AGO4: variants seen among roughly 807,000 people sequenced by gnomAD.
The protein encoded by AGO4 is argonaute RISC component 4.
AGO4 carries 33 observed loss-of-function variants against 104.7 expected under a neutral mutation model. The ratio of observed to expected loss-of-function variants is 0.32; its 90% CI spans 0.24 to 0.42. AGO4 has a LOEUF of 0.42. Among genes scored for constraint, AGO4 ranks in the 10% least tolerant of loss-of-function variants. The pLI is 1.00. For synonymous variants in AGO4, 331 were observed against 364.7 expected (o/e 0.91, Z 1.05); for missense variants, 711 against 1,083.4 (o/e 0.66, Z 4.83).
At chr1:35,816,061 G>T (rs775123434) in intron 1 of AGO4, among the ~76,000 whole-genome samples, 16 of 152,252 alleles carry the variant, frequency 1.1e-4, no homozygotes, top group Middle Eastern at 3.4e-3. Context: ...AAACGAGAAG[G>T]TCTAGCTTTA....
chr1:35,818,488 G>A (rs981711759), intron 2 of AGO4, among the ~76,000 whole-genome samples: 7 of 152,014 alleles, frequency 4.6e-5, no homozygotes, highest in African/African-American at 1.7e-4. Flanking sequence ...GCTGGGCATA[G>A]TGGCACGTGC....
rs1329528499 is a variant in AGO4, at chr1:35,841,809, C to G, written c.2175+59C>G. 2 of 857,256 alleles carry G rather than the reference C, an allele frequency of 2.3e-6. No homozygotes were observed. Among genetic ancestry groups the G allele is most frequent in the Admixed American group, 3.5e-5 (1 of 28,512 alleles). The allele number at this position is 857,256 out of a possible 1,614,324, so 53.1% of individuals were successfully genotyped here. ...GGCTCTGGCAAGAGATGTATATATG[C>G]ACATATATATATATATATATATATA... is the stretch of plus-strand genomic sequence containing the variant. On this transcript the variant is annotated intron_variant, in intron 15 of 17. Coordinates refer to ENST00000373210, the MANE Select transcript of AGO4 (RefSeq NM_017629.4). This position sits in a 1 kb window ranked among gnomAD's most constrained non-coding sequence, Gnocchi z 4.7.
intron 16 of AGO4, among the ~76,000 whole-genome samples, 179 bp from the exon 17 acceptor site, chr1:35,850,675 G>C (rs1446770088): frequency 6.6e-6 from 1 of 151,238 alleles, no homozygotes; most frequent in South Asian, 2.1e-4. Flanking sequence ...CAGCTACTTG[G>C]GAGGCCGAGG....
intron 17 of AGO4, 81 bp from the exon 18 acceptor site, chr1:35,853,416 T>C: frequency 7.7e-7 from 1 of 1,294,850 alleles, no homozygotes; most frequent in Non-Finnish European, 1.1e-6. Context: ...TACACCTGTT[T>C]TTTGTTTTTT....
At chr1:35,836,081 A>G (rs1468860849) in intron 13 of AGO4, 88 bp downstream of exon 13, 12 of 1,396,198 alleles carry the variant, frequency 8.6e-6, no homozygotes, top group Non-Finnish European at 1.2e-5. Flanking sequence ...ATATGCATCT[A>G]GATTACCTTT....
rs1643803830 is a variant in AGO4 at position 35,818,666 on chromosome 1, A to AAAGGAAGAAAGGAAGGAAGGAAGG, written c.185+1626_185+1627insAAAGGAAGGAAGGAAGGAAGGAAG. Among the ~76,000 whole-genome samples the AAAGGAAGAAAGGAAGGAAGGAAGG allele has an allele frequency of 1.6e-4, 13 of 79,782 alleles. 1 individual carries two copies. Among genetic ancestry groups the AAAGGAAGAAAGGAAGGAAGGAAGG allele is most frequent in the African/African-American group, 2.0e-4 (4 of 19,750 alleles). The allele number at this position is 79,782 out of a possible 152,430, so 52.3% of individuals were successfully genotyped here. ...GAAAGAAAGAAAGAAAGAAAGGAAG[A>AAAGGAAGAAAGGAAGGAAGGAAGG]AAGGAAGGAAGGAAGGAAGGAAGGA... On this transcript the variant is annotated intron_variant, in intron 2 of 17. Coordinates refer to ENST00000373210, the MANE Select transcript of AGO4 (RefSeq NM_017629.4).
chr1:35,810,243 A>G (rs1223066243), intron 1 of AGO4, among the ~76,000 whole-genome samples: 2 of 152,144 alleles, frequency 1.3e-5, no homozygotes, highest in African/African-American at 4.8e-5. Flanking sequence ...TACCTTGGAA[A>G]CCCAACTAAT....
intron 11 of AGO4, 77 bp downstream of exon 11, chr1:35,832,647 G>A: frequency 1.3e-6 from 2 of 1,506,654 alleles, no homozygotes; most frequent in Non-Finnish European, 1.8e-6. Context: ...AATGTGCTGT[G>A]TACACTGGCA....
rs1410598464 is a variant in AGO4 at position 35,825,810 on chromosome 1, T to C, written c.620T>C (p.Ile207Thr). ...GCCATGTGGAATATGATGCTCAACA[T>C]TGATGGTAGGATGGAACTCTCTTTA... ...RPAMWNMMLN[I>T]DVSATAFYRA... The change falls in exon 5 of 18, where the codon ATT becomes ACT. Residue 207 changes from isoleucine (I) to threonine (T), a missense_variant. Physicochemically the swap from Ile to Thr is moderately conservative, Grantham distance 89. This residue lies in a region of AGO4 where 308 missense variants were observed against 397.8 expected (regional missense o/e 0.77). Coordinates refer to ENST00000373210, the MANE Select transcript of AGO4 (RefSeq NM_017629.4). 3 of 1,586,132 alleles carry C rather than the reference T, an allele frequency of 1.9e-6. No individual in the cohort carries two copies. Among genetic ancestry groups the C allele is most frequent in the Non-Finnish European group, 2.6e-6 (3 of 1,168,192 alleles).
At chr1:35,830,973 CAA>C (rs543347096) in intron 7 of AGO4, among the ~76,000 whole-genome samples, 37 of 57,056 alleles carry the variant, frequency 6.5e-4, no homozygotes, top group Admixed American at 5.5e-4. Flanking sequence ...CTCTGTCTCA[CAA>C]AAAAAAAAAA....
chr1:35,831,487 G>A lies in AGO4; in HGVS notation c.909G>A (p.Lys303=), dbSNP rs1377270284. 6.2e-7 allele frequency: 1 copy of A among 1,614,110 alleles called. No homozygotes were observed. Among genetic ancestry groups the A allele is most frequent in the Non-Finnish European group, 8.5e-7 (1 of 1,179,998 alleles). The change falls in exon 8 of 18, where the codon AAG becomes AAA. Residue 303 remains lysine, a synonymous_variant. Transcript: ENST00000373210. The part of the protein sequence containing the change: ...AMECTVAQYF[K]QKYSLQLKYP... ...AATGTACAGTAGCTCAATATTTTAA[G>A]CAAAAGTATAGTCTGCAACTGAAAT... is the stretch of plus-strand genomic sequence containing the variant.
chr1:35,811,951 T>G (rs577685774), intron 1 of AGO4, among the ~76,000 whole-genome samples: 1 of 152,254 alleles, frequency 6.6e-6, no homozygotes, highest in South Asian at 2.1e-4. Context: ...CCATTATTAT[T>G]ACACACATGC....
At chr1:35,836,227 A>G (rs1014773447) in intron 13 of AGO4, among the ~76,000 whole-genome samples, 6 of 152,186 alleles carry the variant, frequency 3.9e-5, no homozygotes, top group African/African-American at 1.4e-4. Flanking sequence ...GATGTCTATC[A>G]CCTATCCAGA....
intron 7 of AGO4, 54 bp downstream of exon 7, chr1:35,826,889 C>T: frequency 6.4e-7 from 1 of 1,566,314 alleles, no homozygotes; most frequent in Non-Finnish European, 8.7e-7. Flanking sequence ...ACAGAGGGAG[C>T]TACTATAATT....
chr1:35,820,238 A>G (rs1643864149), intron 2 of AGO4, among the ~76,000 whole-genome samples: 1 of 152,228 alleles, frequency 6.6e-6, no homozygotes, highest in African/African-American at 2.4e-5. Flanking sequence ...GAGAAAGTTC[A>G]AGGGAGAAAG....
At chr1:35,839,462 G>C (rs1028721276) in intron 13 of AGO4, among the ~76,000 whole-genome samples, 1 of 152,134 alleles carries the variant, frequency 6.6e-6, no homozygotes, top group African/African-American at 2.4e-5. Context: ...TCTCCTAGCT[G>C]TGTGATCTTG....
intron 7 of AGO4, among the ~76,000 whole-genome samples, chr1:35,828,156 A>C (rs1466107441): frequency 6.6e-6 from 1 of 152,090 alleles, no homozygotes; most frequent in Non-Finnish European, 1.5e-5. Context: ...AAGACATTTT[A>C]TATGTATGTA....
At chr1:35,828,341 G>A (rs888352125) in intron 7 of AGO4, among the ~76,000 whole-genome samples, 1 of 151,918 alleles carries the variant, frequency 6.6e-6, no homozygotes, top group African/African-American at 2.4e-5. Flanking sequence ...TTTTAATAGA[G>A]ATGGGGTCCC....
At chr1:35,836,426 T>C (rs1644314412) in intron 13 of AGO4, among the ~76,000 whole-genome samples, 1 of 152,236 alleles carries the variant, frequency 6.6e-6, no homozygotes, top group African/African-American at 2.4e-5. Context: ...TTTTAATTTA[T>C]TCTACTATTG....
Sources: gnomAD v4.1 joint callset for allele counts (sites outside exome capture counted in the v4.1 genomes callset) on GRCh38, gnomAD v4.1.1 for gene constraint, gnomAD v4.1.1 regional missense constraint, Gnocchi (gnomAD v3.1) non-coding constraint, MANE v1.5 for transcripts, NCBI Gene and HGNC (gene_info 2026-07-23, HGNC 2026-07-21) for gene names.